The following LTBP2 variants were observed in gnomAD, a reference collection of about 807,000 sequenced individuals.
LTBP2 encodes latent-transforming growth factor beta-binding protein 2.
A neutral mutation model predicts 210.6 loss-of-function variants in LTBP2; 103 were observed. The ratio of observed to expected loss-of-function variants is 0.49; its 90% CI spans 0.42 to 0.58. LTBP2 has a LOEUF of 0.58. Among genes scored for constraint, LTBP2 ranks in the 20% least tolerant of loss-of-function variants. The probability of loss-of-function intolerance (pLI) is 0.00; values close to 1 mark genes in which losing one functional copy is unlikely to be tolerated. For missense variants in LTBP2, 2,313 were observed against 2,494.5 expected (o/e 0.93, Z 1.55); for synonymous variants, 1,007 against 1,015.0 (o/e 0.99, Z 0.15).
At chr14:74,583,989 A>AG (rs143006322) in intron 3 of LTBP2, among the ~76,000 whole-genome samples, 6,795 of 152,240 alleles carry the variant, frequency 0.045, 395 homozygotes, top group African/African-American at 0.13. Flanking sequence ...CTGCAGGTAC[A>AG]GCTGAGGGTT....
Position 74,552,253 on chromosome 14 carries a change from G to C in LTBP2, c.1333C>G (p.Pro445Ala), listed in dbSNP as rs1327502139. Residue 445 changes from proline to alanine, a missense_variant, in exon 6 of 36, where the codon CCC (proline) becomes GCC (alanine). Around this residue, in one of 3 missense-constraint regions of LTBP2, gnomAD observed 1,867 missense variants for 1,976.9 expected, o/e 0.94. Transcript: ENST00000261978. Reference protein sequence around the residue: ...DREPPGRGSRPRALLEAPLKQ... With the variant: ...DREPPGRGSRARALLEAPLKQ... The stretch of plus-strand genomic sequence containing the variant: ...AGTGGGGCTTCCAGCAAGGCCCTGG[G>C]GCGGGACCCCCTCCCTGGAGGCTCC... 1 of 1,613,042 alleles carries C rather than the reference G, an allele frequency of 6.2e-7. No homozygotes were observed. Among genetic ancestry groups the C allele is most frequent in the Non-Finnish European group, 8.5e-7 (1 of 1,179,904 alleles).
intron 2 of LTBP2, among the ~76,000 whole-genome samples, chr14:74,601,386 A>AAATT (rs890440954): frequency 6.6e-6 from 1 of 152,158 alleles, no homozygotes; most frequent in African/African-American, 2.4e-5. Context: ...TCTCTACAAA[A>AAATT]AATTAATTAA....
intron 8 of LTBP2, among the ~76,000 whole-genome samples, chr14:74,539,056 G>T (rs1737314568): frequency 6.6e-6 from 1 of 152,246 alleles, no homozygotes; most frequent in Non-Finnish European, 1.5e-5. Flanking sequence ...AAAGAATGAT[G>T]CAAGGCTGCT....
chr14:74,578,644 G>C (rs1421638162), intron 3 of LTBP2, among the ~76,000 whole-genome samples: 3 of 151,970 alleles, frequency 2.0e-5, no homozygotes, highest in Admixed American at 6.6e-5. Flanking sequence ...CCTCCTTCCT[G>C]CCAGCCAAGC....
Position 74,611,578 on chromosome 14 carries a change from T to G in LTBP2, c.367A>C (p.Arg123=), listed in dbSNP as rs2088609493. ...RRVQPPAQTR[R]STPLGQQQPA... ...TGCTGCTGGCCCAGGGGAGTGCTTC[T>G]CCGGGTCTGCGCAGGTGGCTGGACA... Residue 123 remains arginine, a synonymous_variant, in exon 1 of 36, where the codon AGA becomes CGA. Coordinates refer to ENST00000261978, the MANE Select transcript of LTBP2 (RefSeq NM_000428.3). 1.3e-6 allele frequency: 2 copies of G among 1,576,858 alleles called. No homozygotes were observed. Among genetic ancestry groups the G allele is most frequent in the Non-Finnish European group, 1.7e-6 (2 of 1,168,294 alleles).
intron 3 of LTBP2, among the ~76,000 whole-genome samples, chr14:74,575,191 C>T (rs2088041918): frequency 1.3e-5 from 2 of 152,214 alleles, no homozygotes; most frequent in Non-Finnish European, 2.9e-5. Flanking sequence ...TCATCCCACA[C>T]CTGTACCCCC....
rs770541762 is a variant in LTBP2 at position 74,502,747 on chromosome 14, G to T, written c.5076C>A (p.Pro1692=). The change falls in exon 34 of 36, where the codon CCC becomes CCA. Residue 1692 remains proline, a synonymous_variant. Coordinates refer to ENST00000261978, the MANE Select transcript of LTBP2 (RefSeq NM_000428.3). ...GGTCCGCTGAGTGACCGGCTGTGTT[G>T]GGGAAGGCAGGCTCAGGGACGGTGT... The part of the protein sequence containing the change: ...PEDTVPEPAF[P]NTAGHSADRT... 9.3e-6 allele frequency: 15 copies of T among 1,614,088 alleles called. No individual in the cohort carries two copies. In the East Asian group the frequency reaches 3.1e-4, roughly 34 times the overall value.
chr14:74,609,376 T>C (rs184794698), intron 1 of LTBP2, among the ~76,000 whole-genome samples: 1 of 152,310 alleles, frequency 6.6e-6, no homozygotes, highest in African/African-American at 2.4e-5. Context: ...AGCTTTGTTG[T>C]AGTGACAATT....
At chr14:74,593,843 C>A (rs2088316714) in intron 2 of LTBP2, among the ~76,000 whole-genome samples, 1 of 152,054 alleles carries the variant, frequency 6.6e-6, no homozygotes, top group South Asian at 2.1e-4. Context: ...TGGCTATGAC[C>A]CTTTCCCCAG....
Position 74,551,163 on chromosome 14 carries a change from G to C in LTBP2, c.1587C>G (p.Ile529Met), listed in dbSNP as rs761075181. The C allele has an allele frequency of 6.2e-7, 1 of 1,613,960 alleles. No individual in the cohort carries two copies. Among genetic ancestry groups the C allele is most frequent in the Non-Finnish European group, 8.5e-7 (1 of 1,180,026 alleles). Residue 529 changes from isoleucine (I) to methionine (M), a missense_variant, in exon 7 of 36, where the codon ATC (isoleucine) becomes ATG (methionine). By Grantham distance (10) the Ile-to-Met change is conservative (BLOSUM62 1). Around this residue, in one of 3 missense-constraint regions of LTBP2, gnomAD observed 1,867 missense variants for 1,976.9 expected, o/e 0.94. Coordinates refer to ENST00000261978, the MANE Select transcript of LTBP2 (RefSeq NM_000428.3). Reference protein sequence around the residue: ...PGHSLWDSNNIPARSGEPPRP... With the variant: ...PGHSLWDSNNMPARSGEPPRP... ...GAGGGGGCTCTCCAGACCGAGCAGG[G>C]ATGTTGTTGCTGTCCCAGAGGCTGT...
At chr14:74,553,740 C>T (rs1432441556) in intron 4 of LTBP2, among the ~76,000 whole-genome samples, 2 of 152,084 alleles carry the variant, frequency 1.3e-5, no homozygotes, top group Non-Finnish European at 2.9e-5. Context: ...GAGGCCGCTT[C>T]ATTTCCCAAG....
Position 74,505,141 on chromosome 14 carries a change from T to C in LTBP2, c.4211A>G (p.His1404Arg), listed in dbSNP as rs971777985. 1.2e-6 allele frequency: 2 copies of C among 1,613,590 alleles called. No individual in the cohort carries two copies. The highest frequency in any genetic ancestry group is 1.7e-6 in the Non-Finnish European group (2 of 1,180,024). ...GTCCATGCGGGTGGGGGCCGGGGCATGGTCCCCCGTTGGGGCCTCAGACAT... is the reference window on the plus strand; with the variant it reads ...GTCCATGCGGGTGGGGGCCGGGGCACGGTCCCCCGTTGGGGCCTCAGACAT... ...QSMSEAPTGDHAPAPTRMDCY... is the reference protein window; with the variant it reads ...QSMSEAPTGDRAPAPTRMDCY... The change falls in exon 29 of 36, where the codon CAT (histidine) becomes CGT (arginine). Residue 1404 changes from histidine to arginine, a missense_variant. Physicochemically the swap from His to Arg is conservative, Grantham distance 29. Coordinates refer to ENST00000261978, the MANE Select transcript of LTBP2 (RefSeq NM_000428.3).
chr14:74,564,369 A>ATATATATT (rs2087873940), intron 3 of LTBP2, among the ~76,000 whole-genome samples: 1 of 33,458 alleles, frequency 3.0e-5, no homozygotes, highest in African/African-American at 7.3e-5. Context: ...ATATATATTT[A>ATATATATT]TATATATATA....
In LTBP2 at chr14:74,498,809, T is replaced by C. The variant is rs905781505; in HGVS notation, c.*2075A>G. ...CCCATTCTTTAGACAAATAGTGTTA[T>C]GTTACATGCTGTTATGCAACCCTCC... On this transcript the variant is annotated 3_prime_UTR_variant, in exon 36 of 36. Transcript: ENST00000261978. 3 of 230,180 alleles carry C rather than the reference T, an allele frequency of 1.3e-5. No homozygotes were observed. Among genetic ancestry groups the C allele is most frequent in the Non-Finnish European group, 2.6e-5 (3 of 116,214 alleles). The allele number at this position is 230,180 out of a possible 1,614,324, so 14.3% of individuals were successfully genotyped here. A position where few individuals can be genotyped will look rare whatever the true frequency, so the allele number is the denominator to read the frequency against.
chr14:74,565,917 C>T (rs1342906878), intron 3 of LTBP2, among the ~76,000 whole-genome samples: 1 of 152,182 alleles, frequency 6.6e-6, no homozygotes, highest in Non-Finnish European at 1.5e-5. Flanking sequence ...TCTTCTCCAA[C>T]CTCTGGCGCC....
intron 3 of LTBP2, among the ~76,000 whole-genome samples, chr14:74,566,431 C>T (rs2087903300): frequency 6.6e-6 from 1 of 152,238 alleles, no homozygotes; most frequent in South Asian, 2.1e-4. Flanking sequence ...CTCCTTCCTG[C>T]GGCTGCAGGG....
chr14:74,555,118 C>T (rs753510469), intron 4 of LTBP2, among the ~76,000 whole-genome samples: 3 of 150,782 alleles, frequency 2.0e-5, no homozygotes, highest in Non-Finnish European at 4.4e-5. Context: ...AGAGGCGCAG[C>T]TGTAGGTGCT....
In LTBP2 at chr14:74,505,133, C is replaced by T; in HGVS notation, c.4219G>A (p.Ala1407Thr). The change falls in exon 29 of 36, where the codon GCC (alanine) becomes ACC (threonine). Residue 1407 changes from alanine (A) to threonine (T), a missense_variant. By Grantham distance (58) the Ala-to-Thr change is moderately conservative (BLOSUM62 0). Transcript: ENST00000261978. ...GAGTAGCAGTCCATGCGGGTGGGGG[C>T]CGGGGCATGGTCCCCCGTTGGGGCC... Reference protein sequence around the residue: ...SEAPTGDHAPAPTRMDCYSGQ... With the variant: ...SEAPTGDHAPTPTRMDCYSGQ... The T allele has an allele frequency of 1.2e-6, 2 of 1,613,702 alleles. No homozygotes were observed. The highest frequency in any genetic ancestry group is 1.7e-6 in the Non-Finnish European group (2 of 1,180,022).
chr14:74,596,266 A>AAATAAATAAAT (rs1566653999), intron 2 of LTBP2, among the ~76,000 whole-genome samples: 2 of 76,666 alleles, frequency 2.6e-5, no homozygotes, highest in African/African-American at 7.1e-5. Flanking sequence ...AATAAATAAA[A>AAATAAATAAAT]ATTAAAAACA....
Sources: allele counts gnomAD v4.1 joint callset (sites outside exome capture counted in the v4.1 genomes callset), GRCh38; gene constraint gnomAD v4.1.1; regional missense constraint gnomAD v4.1.1; transcripts MANE v1.5; gene names NCBI Gene and HGNC (gene_info 2026-07-23, HGNC 2026-07-21).